POLA1: variants seen among roughly 807,000 people sequenced by gnomAD.
POLA1 encodes DNA polymerase alpha 1, catalytic subunit, also known as DNA polymerase alpha catalytic subunit.
Under a neutral mutation model 124.0 loss-of-function variants are expected in POLA1, and 15 were observed. The ratio of observed to expected loss-of-function variants is 0.12; its 90% CI spans 0.08 to 0.19. The LOEUF (loss-of-function observed/expected upper bound fraction) is 0.19, where lower values mean the gene tolerates loss of function less well. POLA1 is among the 10% of genes least tolerant of loss of function. POLA1 has a pLI of 1.00. For synonymous variants in POLA1, 408 were observed against 389.4 expected (o/e 1.05, Z -0.56); for missense variants, 886 against 1,103.4 (o/e 0.80, Z 2.79).
At chrX:24,759,681 T>C (rs1030131911) in intron 26 of POLA1, among the ~76,000 whole-genome samples, 14 of 112,409 alleles carry the variant, frequency 1.2e-4, no homozygotes, top group Non-Finnish European at 2.3e-4. Flanking sequence ...TTTTGCCTTT[T>C]TAATTACTGA....
intron 26 of POLA1, among the ~76,000 whole-genome samples, chrX:24,805,300 A>G (rs780761447): frequency 1.8e-5 from 2 of 111,751 alleles, no homozygotes; most frequent in South Asian, 7.6e-4. Context: ...TGACTGAAAT[A>G]TCGGCGTGAA....
chrX:24,737,887 T>C, intron 19 of POLA1, 146 bp downstream of exon 19: 1 of 375,577 alleles, frequency 2.7e-6, no homozygotes, highest in Non-Finnish European at 4.7e-6. Context: ...AAACATCTTT[T>C]CCTTTGAATT....
intron 36 of POLA1, among the ~76,000 whole-genome samples, chrX:24,946,800 GTTAAA>G (rs1304602830): frequency 8.9e-6 from 1 of 112,033 alleles, no homozygotes; most frequent in African/African-American, 3.2e-5. Flanking sequence ...TAAATGGTAT[GTTAAA>G]TTAATGTTTT....
chrX:24,940,520 G>A (rs1014314265), intron 36 of POLA1, among the ~76,000 whole-genome samples: 2 of 111,448 alleles, frequency 1.8e-5, no homozygotes, highest in African/African-American at 6.5e-5. Context: ...TGAGTTTCAG[G>A]AATTAATATT....
At chrX:24,731,642 G>A (rs1041797634) in intron 15 of POLA1, among the ~76,000 whole-genome samples, 1 of 111,024 alleles carries the variant, frequency 9.0e-6, no homozygotes, top group Non-Finnish European at 1.9e-5. Flanking sequence ...GGTAATACTG[G>A]CAACTAGTAG....
intron 36 of POLA1, among the ~76,000 whole-genome samples, chrX:24,995,349 A>C (rs2048591286): frequency 8.9e-6 from 1 of 112,125 alleles, no homozygotes; most frequent in African/African-American, 3.2e-5. Context: ...GAGGGACTAG[A>C]AAATGCTTAC....
At chrX:24,978,094 C>T (rs1427070629) in intron 36 of POLA1, among the ~76,000 whole-genome samples, 1 of 111,504 alleles carries the variant, frequency 9.0e-6, no homozygotes, top group East Asian at 2.8e-4. Context: ...TTAAAAAGTC[C>T]CTTACTGTAA....
chrX:24,887,395 A>T lies in POLA1; in HGVS notation c.4048-611A>T, dbSNP rs766460404. 4.2e-4 allele frequency among the ~76,000 whole-genome samples: 47 copies of T among 112,421 alleles called. No homozygotes were observed. In the South Asian group the frequency reaches 4.4e-3, roughly 11 times the overall value. On this transcript the variant is annotated intron_variant, in intron 34 of 36. Transcript: ENST00000379068. The stretch of plus-strand genomic sequence containing the variant: ...AGTTGTCCTTGAAAACATTGAAGCT[A>T]GTTTTATGTCTCTAGAAAGCACATA...
At chrX:24,968,724 A>G (rs2048261766) in intron 36 of POLA1, among the ~76,000 whole-genome samples, 1 of 107,140 alleles carries the variant, frequency 9.3e-6, no homozygotes, top group Non-Finnish European at 1.9e-5. Flanking sequence ...AAAAAAAAAG[A>G]ATCCATTGTA....
intron 26 of POLA1, among the ~76,000 whole-genome samples, chrX:24,801,968 T>TGTGTGTGTGTGTGTGTGTGA: frequency 9.3e-6 from 1 of 107,058 alleles, no homozygotes; most frequent in East Asian, 3.0e-4. Flanking sequence ...TGTGTGTGTG[T>TGTGTGTGTGTGTGTGTGTGA]GTGACATTTA....
At chrX:24,753,848 G>A (rs184787755) in intron 26 of POLA1, among the ~76,000 whole-genome samples, 5 of 112,216 alleles carry the variant, frequency 4.5e-5, no homozygotes. Flanking sequence ...ATTTTAAAAT[G>A]TATGCTCTGA....
intron 36 of POLA1, among the ~76,000 whole-genome samples, chrX:24,993,923 G>A (rs2048567150): frequency 8.9e-6 from 1 of 112,121 alleles, no homozygotes; most frequent in Non-Finnish European, 1.9e-5. Flanking sequence ...GTGTGGCAGC[G>A]TAAATAGTCC....
intron 26 of POLA1, among the ~76,000 whole-genome samples, chrX:24,798,400 C>G (rs944604148): frequency 9.0e-6 from 1 of 111,163 alleles, no homozygotes; most frequent in African/African-American, 3.3e-5. Context: ...ACCAGCCCCT[C>G]CTCCTCCTCA....
At chrX:24,954,167 G>A (rs1053960973) in intron 36 of POLA1, among the ~76,000 whole-genome samples, 5 of 112,476 alleles carry the variant, frequency 4.4e-5, no homozygotes, top group Non-Finnish European at 9.4e-5. Flanking sequence ...TATGTCACTG[G>A]CTTTTAAAAT....
At chrX:24,883,845 A>T (rs2047032498) in intron 34 of POLA1, among the ~76,000 whole-genome samples, 1 of 111,873 alleles carries the variant, frequency 8.9e-6, no homozygotes, top group African/African-American at 3.2e-5. Context: ...TTTTATTAAA[A>T]TCCAAATCTT....
intron 36 of POLA1, among the ~76,000 whole-genome samples, chrX:24,969,638 C>G (rs751754989): frequency 2.6e-4 from 29 of 110,952 alleles, no homozygotes; most frequent in African/African-American, 8.5e-4. Context: ...GCAAAATATG[C>G]ATTTTTTTTT....
At chrX:24,776,119 C>T (rs1233081058) in intron 26 of POLA1, among the ~76,000 whole-genome samples, 3 of 111,886 alleles carry the variant, frequency 2.7e-5, no homozygotes. Context: ...CAGGTTTTAT[C>T]GTTTGTATTA....
intron 15 of POLA1, among the ~76,000 whole-genome samples, chrX:24,730,261 T>A (rs1343521359): frequency 9.0e-6 from 1 of 110,629 alleles, no homozygotes; most frequent in Non-Finnish European, 1.9e-5. Context: ...TTTTTTGAGA[T>A]GGAGTCTTGC....
chrX:24,728,267 C>T (rs986074236), intron 15 of POLA1, among the ~76,000 whole-genome samples: 6 of 112,120 alleles, frequency 5.4e-5, no homozygotes, highest in African/African-American at 1.3e-4. Flanking sequence ...GTTTATTTCC[C>T]TCCTTTTTTT....
Sources: gnomAD v4.1 joint callset for allele counts (sites outside exome capture counted in the v4.1 genomes callset) on GRCh38, gnomAD v4.1.1 for gene constraint, MANE v1.5 for transcripts, NCBI Gene and HGNC (gene_info 2026-07-23, HGNC 2026-07-21) for gene names.